CDH12: variants seen among roughly 807,000 people sequenced by gnomAD.
CDH12 encodes the protein cadherin-12.
A neutral mutation model predicts 74.1 loss-of-function variants in CDH12; 41 were observed. The ratio of observed to expected loss-of-function variants is 0.55; its 90% CI spans 0.43 to 0.72. The LOEUF (loss-of-function observed/expected upper bound fraction) is 0.72, where lower values mean the gene tolerates loss of function less well. Among genes scored for constraint, CDH12 ranks in the 30% least tolerant of loss-of-function variants. The probability of loss-of-function intolerance (pLI) is 0.00; values close to 1 mark genes in which losing one functional copy is unlikely to be tolerated. For synonymous variants in CDH12, 399 were observed against 355.0 expected (o/e 1.12, Z -1.39); for missense variants, 945 against 977.2 (o/e 0.97, Z 0.44).
intron 1 of CDH12, among the ~76,000 whole-genome samples, chr5:22,699,873 T>C (rs1436160906): frequency 6.6e-6 from 1 of 152,166 alleles, no homozygotes; most frequent in Non-Finnish European, 1.5e-5. Context: ...TATTAGATTA[T>C]GTTAATATCA....
intron 1 of CDH12, among the ~76,000 whole-genome samples, chr5:22,535,337 T>C (rs1737795726): frequency 6.6e-6 from 1 of 151,814 alleles, no homozygotes; most frequent in African/African-American, 2.4e-5. Flanking sequence ...TTTGTATTTT[T>C]AGTAGAGACG....
At chr5:22,497,791 T>C (rs972746112) in intron 2 of CDH12, among the ~76,000 whole-genome samples, 1 of 151,770 alleles carries the variant, frequency 6.6e-6, no homozygotes, top group African/African-American at 2.4e-5. Flanking sequence ...TACAGACATG[T>C]GCGTCCACAC....
At chr5:21,862,375 A>G (rs1167488729) in intron 6 of CDH12, among the ~76,000 whole-genome samples, 3 of 152,092 alleles carry the variant, frequency 2.0e-5, no homozygotes, top group Non-Finnish European at 4.4e-5. Flanking sequence ...CCATTTTACA[A>G]TCCAATACTT....
At chr5:22,379,248 G>T (rs1741659917) in intron 3 of CDH12, among the ~76,000 whole-genome samples, 1 of 152,246 alleles carries the variant, frequency 6.6e-6, no homozygotes, top group East Asian at 1.9e-4. Flanking sequence ...AGAACGAATA[G>T]TTTTGTGGTA....
chr5:22,360,865 T>G (rs1320116417), intron 3 of CDH12, among the ~76,000 whole-genome samples: 2 of 152,112 alleles, frequency 1.3e-5, no homozygotes, highest in Non-Finnish European at 2.9e-5. Flanking sequence ...AAAAGGCCTT[T>G]GACAAAATTA....
At chr5:22,576,178 T>C (rs903673730) in intron 1 of CDH12, among the ~76,000 whole-genome samples, 1 of 152,216 alleles carries the variant, frequency 6.6e-6, no homozygotes, top group African/African-American at 2.4e-5. Context: ...TGAACCCTGC[T>C]TCATTCAGTG....
chr5:22,700,167 A>C (rs955405397), intron 1 of CDH12, among the ~76,000 whole-genome samples: 1 of 147,248 alleles, frequency 6.8e-6, no homozygotes, highest in African/African-American at 2.5e-5. Context: ...ACTCTGTCTC[A>C]AAAAAAAAAA....
chr5:22,705,130 T>TATATATATATATATATATAC (rs752782183), intron 1 of CDH12, among the ~76,000 whole-genome samples: 4 of 125,546 alleles, frequency 3.2e-5, no homozygotes, highest in Non-Finnish European at 5.0e-5. Context: ...TATATATATA[T>TATATATATATATATATATAC]ACACACACAC....
intron 6 of CDH12, among the ~76,000 whole-genome samples, chr5:21,893,021 C>T (rs1426582951): frequency 6.6e-6 from 1 of 152,114 alleles, no homozygotes; most frequent in Non-Finnish European, 1.5e-5. Flanking sequence ...TCACGTTTGC[C>T]TTTGATCCCC....
intron 3 of CDH12, among the ~76,000 whole-genome samples, chr5:22,402,601 A>T (rs1224104215): frequency 6.6e-6 from 1 of 152,224 alleles, no homozygotes; most frequent in Non-Finnish European, 1.5e-5. Context: ...AGATAAACTG[A>T]AGATGAAACT....
At position 21,884,148 on chromosome 5, in the gene CDH12, G is replaced by T. The variant is rs1752507351; in HGVS notation, c.527-29358C>A. On this transcript the variant is annotated intron_variant, in intron 6 of 14. Transcript: ENST00000382254. ...GAATATGGTAGAAAAAGGAATTATTGACCCAACAAAGCTTGTGAGAACTGC... is the reference window on the plus strand; with the variant it reads ...GAATATGGTAGAAAAAGGAATTATTTACCCAACAAAGCTTGTGAGAACTGC... 5.8e-6 allele frequency: 9 copies of T among 1,545,230 alleles called. No individual in the cohort carries two copies. The South Asian group carries it at 7.8e-5, about 13-fold the overall frequency.
intron 6 of CDH12, among the ~76,000 whole-genome samples, chr5:21,925,912 G>A (rs1468449963): frequency 6.7e-6 from 1 of 149,282 alleles, no homozygotes; most frequent in Non-Finnish European, 1.5e-5. Flanking sequence ...TCTTGGATAT[G>A]AATTATGACT....
intron 5 of CDH12, among the ~76,000 whole-genome samples, chr5:22,017,338 C>T (rs1221879112): frequency 6.6e-6 from 1 of 152,040 alleles, no homozygotes; most frequent in Admixed American, 6.6e-5. Context: ...ACTGTTGCAA[C>T]CACAAGTGTA....
At chr5:22,676,004 AG>A (rs1319315229) in intron 1 of CDH12, among the ~76,000 whole-genome samples, 2 of 151,232 alleles carry the variant, frequency 1.3e-5, no homozygotes, top group Non-Finnish European at 2.9e-5. Flanking sequence ...AAAGCAGTAA[AG>A]CAGTATAGGA....
At chr5:22,581,672 A>G (rs569877805) in intron 1 of CDH12, among the ~76,000 whole-genome samples, 38 of 152,162 alleles carry the variant, frequency 2.5e-4, no homozygotes, top group Non-Finnish European at 5.0e-4. Flanking sequence ...ACACCAGAAT[A>G]AAAGATCCAC....
intron 6 of CDH12, among the ~76,000 whole-genome samples, chr5:21,934,245 G>A (rs1754973551): frequency 1.3e-5 from 2 of 152,142 alleles, no homozygotes; most frequent in Non-Finnish European, 2.9e-5. Flanking sequence ...GATCATAGGG[G>A]CAGAGTTTTC....
chr5:22,668,075 T>A (rs1245695239), intron 1 of CDH12, among the ~76,000 whole-genome samples: 1 of 152,244 alleles, frequency 6.6e-6, no homozygotes, highest in Non-Finnish European at 1.5e-5. Flanking sequence ...TGTCATTTTT[T>A]CAATAAAAAT....
At chr5:22,669,093 AC>A (rs1740774064) in intron 1 of CDH12, among the ~76,000 whole-genome samples, 1 of 152,122 alleles carries the variant, frequency 6.6e-6, no homozygotes, top group African/African-American at 2.4e-5. Flanking sequence ...AAATAAAATT[AC>A]ATTTTTTTTT....
chr5:22,743,692 A>G (rs1487417), intron 1 of CDH12, among the ~76,000 whole-genome samples: 123,551 of 152,158 alleles, frequency 0.81, 50,323 homozygotes, highest in Non-Finnish European at 0.85. Context: ...TATTAAATGC[A>G]TATTAACTTA....
Sources: allele counts gnomAD v4.1 joint callset (sites outside exome capture counted in the v4.1 genomes callset), GRCh38; gene constraint gnomAD v4.1.1; transcripts MANE v1.5; gene names NCBI Gene and HGNC (gene_info 2026-07-23, HGNC 2026-07-21).